USP34: variants seen among roughly 807,000 people sequenced by gnomAD.
USP34 encodes ubiquitin specific peptidase 34, also known as ubiquitin carboxyl-terminal hydrolase 34.
Under a neutral mutation model 460.3 loss-of-function variants are expected in USP34, and 70 were observed. That is an observed-to-expected ratio of 0.15 (90% CI 0.13 to 0.19). The LOEUF (loss-of-function observed/expected upper bound fraction) is 0.19, where lower values mean the gene tolerates loss of function less well. USP34 is among the 10% of genes least tolerant of loss of function. The pLI is 1.00. For synonymous variants in USP34, 1,647 were observed against 1,405.3 expected (o/e 1.17, Z -3.85); for missense variants, 3,985 against 4,236.2 (o/e 0.94, Z 1.65).
At chr2:61,213,081 C>A (rs1251936965) in intron 68 of USP34, among the ~76,000 whole-genome samples, 1 of 152,048 alleles carries the variant, frequency 6.6e-6, no homozygotes, top group East Asian at 1.9e-4. Flanking sequence ...GGGTGCAGTA[C>A]AATGTCTCAA....
intron 1 of USP34, among the ~76,000 whole-genome samples, chr2:61,464,526 T>C (rs773352551): frequency 7.9e-5 from 12 of 152,124 alleles, no homozygotes; most frequent in Non-Finnish European, 1.2e-4. Context: ...TTATCCATTT[T>C]GGACAACTTG....
At chr2:61,398,662 T>C (rs1558571394) in intron 3 of USP34, among the ~76,000 whole-genome samples, 1 of 152,146 alleles carries the variant, frequency 6.6e-6, no homozygotes, top group Non-Finnish European at 1.5e-5. Flanking sequence ...ATCAGAAAGC[T>C]AGCTAGAAAC....
At chr2:61,190,439 C>A in intron 77 of USP34, 25 bp from the exon 78 acceptor site, 1 of 1,597,538 alleles carries the variant, frequency 6.3e-7, no homozygotes, top group Non-Finnish European at 8.5e-7. Context: ...TTAAAAAAAT[C>A]TCCAAAAGAC....
rs1433971330 is a variant in USP34 at position 61,343,869 on chromosome 2, G to A, written c.2446C>T (p.Leu816Phe). The A allele has an allele frequency of 2.5e-6, 4 of 1,613,988 alleles. No individual in the cohort carries two copies. Among genetic ancestry groups the A allele is most frequent in the Non-Finnish European group, 3.4e-6 (4 of 1,179,924 alleles). ...INSHAELTSHLQQHLPNLASI... is the reference protein window; with the variant it reads ...INSHAELTSHFQQHLPNLASI... ...GCTAAATTGGGAAGATGTTGTTGGA[G>A]GTGAGATGTCAGTTCCGCATGTGAA... Residue 816 changes from leucine to phenylalanine, a missense_variant, in exon 16 of 80, where the codon CTC becomes TTC. Physicochemically the swap from Leu to Phe is conservative, Grantham distance 22. Around this residue, in one of 14 missense-constraint regions of USP34, gnomAD observed 716 missense variants for 626.2 expected, o/e 1.14. Coordinates refer to ENST00000398571, the MANE Select transcript of USP34 (RefSeq NM_014709.4).
At chr2:61,407,140 C>G (rs1406692908) in intron 2 of USP34, among the ~76,000 whole-genome samples, 1 of 152,238 alleles carries the variant, frequency 6.6e-6, no homozygotes, top group African/African-American at 2.4e-5. Flanking sequence ...AATCCCAACA[C>G]TTTGGGAGAC....
chr2:61,232,773 C>T (rs1256866401), intron 57 of USP34, among the ~76,000 whole-genome samples: 1 of 150,890 alleles, frequency 6.6e-6, no homozygotes, highest in Non-Finnish European at 1.5e-5. Flanking sequence ...ATCTGTGGTC[C>T]TTTATCATAA....
chr2:61,236,403 T>C lies in USP34; in HGVS notation c.6778-14A>G, dbSNP rs1688068980. On this transcript the variant is annotated splice_polypyrimidine_tract_variant and intron_variant, in intron 53 of 79. Transcript: ENST00000398571. ...ATGCCAAATCCACTGAAAATAAAAA[T>C]GTTAACATTAGTGATAAAGCAGTTT... 1 of 1,573,068 alleles carries C rather than the reference T, an allele frequency of 6.4e-7. No individual in the cohort carries two copies. The highest frequency in any genetic ancestry group is 1.4e-5 in the African/African-American group (1 of 73,076).
rs1691680753 is a variant in USP34 at position 61,343,888 on chromosome 2, A to C, written c.2427T>G (p.His809Gln). Residue 809 changes from histidine (H) to glutamine (Q), a missense_variant, in exon 16 of 80, where the codon CAT becomes CAG. Around this residue, in one of 14 missense-constraint regions of USP34, gnomAD observed 716 missense variants for 626.2 expected, o/e 1.14. Coordinates refer to ENST00000398571, the MANE Select transcript of USP34 (RefSeq NM_014709.4). Reference sequence around the variant, plus strand: ...GTTGGAGGTGAGATGTCAGTTCCGCATGTGAATTAATCTGAACTAGCTCCT... The same window carrying C: ...GTTGGAGGTGAGATGTCAGTTCCGCCTGTGAATTAATCTGAACTAGCTCCT... ...CEEELVQINS[H>Q]AELTSHLQQH... 1 of 1,614,028 alleles carries C rather than the reference A, an allele frequency of 6.2e-7. No individual in the cohort carries two copies.
At chr2:61,372,094 T>TA (rs1317079355) in intron 8 of USP34, among the ~76,000 whole-genome samples, 1 of 152,080 alleles carries the variant, frequency 6.6e-6, no homozygotes, top group East Asian at 1.9e-4. Context: ...AATTGTATAA[T>TA]AAAAGGTCCC....
chr2:61,214,755 G>C, intron 67 of USP34, 61 bp from the exon 68 acceptor site: 1 of 1,545,802 alleles, frequency 6.5e-7, no homozygotes, highest in Non-Finnish European at 8.7e-7. Flanking sequence ...CTGAACAGCA[G>C]TCATTAATCA....
intron 1 of USP34, among the ~76,000 whole-genome samples, chr2:61,465,174 T>C (rs902592170): frequency 6.7e-6 from 1 of 148,760 alleles, no homozygotes. Flanking sequence ...ATGATATGTG[T>C]CAAGATTATA....
intron 41 of USP34, among the ~76,000 whole-genome samples, chr2:61,268,406 C>T (rs114726654): frequency 0.019 from 2,234 of 120,124 alleles, 19 homozygotes; most frequent in Non-Finnish European, 0.022. Flanking sequence ...TGAGTGAGTT[C>T]TCACTCTTTG....
intron 3 of USP34, among the ~76,000 whole-genome samples, chr2:61,397,051 G>A (rs904882308): frequency 7.9e-5 from 12 of 152,052 alleles, no homozygotes; most frequent in South Asian, 4.1e-4. Flanking sequence ...TAATTTTTAC[G>A]TTTGGAAATA....
intron 10 of USP34, among the ~76,000 whole-genome samples, chr2:61,367,940 A>T (rs1043742618): frequency 2.0e-5 from 3 of 152,226 alleles, no homozygotes; most frequent in Non-Finnish European, 4.4e-5. Context: ...ATAATGAGGA[A>T]GGACTAGTCG....
intron 1 of USP34, among the ~76,000 whole-genome samples, chr2:61,428,090 G>C (rs887121565): frequency 1.3e-5 from 2 of 151,618 alleles, no homozygotes; most frequent in African/African-American, 4.8e-5. Context: ...GCTTGAACCC[G>C]GGAGGCAGGG....
intron 3 of USP34, among the ~76,000 whole-genome samples, chr2:61,396,491 ATTT>A (rs5831608): frequency 4.1e-5 from 6 of 145,556 alleles, no homozygotes; most frequent in Admixed American, 1.4e-4. Context: ...ATTCCAGCTA[ATTT>A]TTTTTTTTTT....
chr2:61,212,826 G>A (rs1477766699), intron 68 of USP34, among the ~76,000 whole-genome samples: 2 of 152,046 alleles, frequency 1.3e-5, no homozygotes, highest in African/African-American at 2.4e-5. Flanking sequence ...ACTTGTCAAA[G>A]TATATTTAAT....
rs1170544409 is a variant in USP34, at chr2:61,188,320, C to T, written c.10423G>A (p.Ala3475Thr). ...AAGTCAGCTAAGTCAGACAGAACTG[C>T]AGAGATAGAAGTAGAAGGGAACTCA... The part of the protein sequence containing the change: ...ESEFPSTSIS[A>T]VLSDLADLRS... The change falls in exon 80 of 80, where the codon GCA becomes ACA. Residue 3475 changes from alanine to threonine, a missense_variant. By Grantham distance (58) the Ala-to-Thr change is moderately conservative. This residue lies in a region of USP34 where 506 missense variants were observed against 439.0 expected (regional missense o/e 1.15). Coordinates refer to ENST00000398571, the MANE Select transcript of USP34 (RefSeq NM_014709.4). 1 of 1,613,530 alleles carries T rather than the reference C, an allele frequency of 6.2e-7. No homozygotes were observed. Among genetic ancestry groups the T allele is most frequent in the African/African-American group, 1.3e-5 (1 of 74,878 alleles).
At chr2:61,321,464 C>A (rs939410283) in intron 21 of USP34, among the ~76,000 whole-genome samples, 2 of 152,120 alleles carry the variant, frequency 1.3e-5, no homozygotes, top group Non-Finnish European at 2.9e-5. Flanking sequence ...GAGTAAGACT[C>A]CGTCTCAAAA....
Sources: gnomAD v4.1 joint callset for allele counts (sites outside exome capture counted in the v4.1 genomes callset) on GRCh38, gnomAD v4.1.1 for gene constraint, gnomAD v4.1.1 regional missense constraint, MANE v1.5 for transcripts, NCBI Gene and HGNC (gene_info 2026-07-23, HGNC 2026-07-21) for gene names.